The following RSU1 variants were observed in gnomAD, a reference collection of about 807,000 sequenced individuals.
The protein encoded by RSU1 is Ras suppressor protein 1, also known as rsu-1.
In RSU1, 26 loss-of-function variants were observed where a neutral mutation model predicts 31.1. That is an observed-to-expected ratio of 0.84 (90% CI 0.61 to 1.16). The LOEUF (loss-of-function observed/expected upper bound fraction) is 1.16. RSU1 is among the 50% of genes most tolerant of loss of function. RSU1 has a pLI of 0.00. For synonymous variants in RSU1, 164 were observed against 136.3 expected (o/e 1.20, Z -1.41); for missense variants, 320 against 339.1 (o/e 0.94, Z 0.44).
intron 8 of RSU1, among the ~76,000 whole-genome samples, chr10:16,640,594 C>G (rs973376592): frequency 1.3e-5 from 2 of 152,214 alleles, no homozygotes; most frequent in African/African-American, 2.4e-5. Context: ...CTGGTGACTA[C>G]TCCAAGCATA....
chr10:16,744,837 C>T (rs1836818017), intron 7 of RSU1, among the ~76,000 whole-genome samples: 1 of 152,180 alleles, frequency 6.6e-6, no homozygotes, highest in Admixed American at 6.5e-5. Context: ...ACCCTGAGTA[C>T]TGGCCATGCA....
intron 2 of RSU1, among the ~76,000 whole-genome samples, chr10:16,804,404 A>T (rs1228211268): frequency 2.6e-5 from 4 of 152,240 alleles, no homozygotes; most frequent in Admixed American, 1.3e-4. Context: ...AAGACAGCTT[A>T]ATAGTCTCTT....
chr10:16,806,344 G>A (rs1564364673), intron 2 of RSU1, among the ~76,000 whole-genome samples: 1 of 152,194 alleles, frequency 6.6e-6, no homozygotes, highest in African/African-American at 2.4e-5. Context: ...ATGTGCATAT[G>A]ACTGTCAGAA....
intron 1 of RSU1, 98 bp from the exon 2 acceptor site, chr10:16,817,182 T>A (rs1838558285): frequency 1.2e-6 from 1 of 863,118 alleles, no homozygotes; most frequent in Non-Finnish European, 1.9e-6. Context: ...TCCCCAGGGT[T>A]GGAGCGGGTG....
At chr10:16,698,354 G>A (rs1453906397) in intron 7 of RSU1, among the ~76,000 whole-genome samples, 3 of 152,058 alleles carry the variant, frequency 2.0e-5, no homozygotes, top group Non-Finnish European at 2.9e-5. Flanking sequence ...TAAGGAATAG[G>A]GACGTATTTC....
intron 8 of RSU1, among the ~76,000 whole-genome samples, chr10:16,612,982 C>T (rs994277106): frequency 6.6e-6 from 1 of 151,944 alleles, no homozygotes; most frequent in Non-Finnish European, 1.5e-5. Flanking sequence ...TCTCCAGGCC[C>T]AAATCTGAGA....
Position 16,753,838 on chromosome 10 carries a change from G to A in RSU1, c.401-838C>T, listed in dbSNP as rs573058028. On this transcript the variant is annotated intron_variant, in intron 5 of 8. Coordinates refer to ENST00000345264, the MANE Select transcript of RSU1 (RefSeq NM_012425.4). ...GGCTGGAGTGCAGTGGGTCACTGCA[G>A]CCTCAAACTCCTGGCCTCAAGCACT... is the stretch of plus-strand genomic sequence containing the variant. Among the ~76,000 whole-genome samples, 7 of 152,208 alleles carry A rather than the reference G, an allele frequency of 4.6e-5. No homozygotes were observed. In the East Asian group the frequency reaches 1.4e-3, roughly 29 times the overall value.
At chr10:16,637,465 T>G (rs987008791) in intron 8 of RSU1, among the ~76,000 whole-genome samples, 5 of 152,138 alleles carry the variant, frequency 3.3e-5, no homozygotes, top group Non-Finnish European at 7.4e-5. Flanking sequence ...GGATTTTTTT[T>G]TTTTTTTTAA....
intron 8 of RSU1, among the ~76,000 whole-genome samples, chr10:16,636,762 C>A (rs967640637): frequency 6.6e-6 from 1 of 152,156 alleles, no homozygotes; most frequent in African/African-American, 2.4e-5. Flanking sequence ...GTCCCACTGT[C>A]TGAAACATTC....
intron 7 of RSU1, chr10:16,727,137 G>A: frequency 2.2e-6 from 1 of 456,598 alleles, no homozygotes. Context: ...CAAGGGAACA[G>A]GATGTGGCCT....
At chr10:16,704,204 A>G (rs1454836035) in intron 7 of RSU1, among the ~76,000 whole-genome samples, 2 of 152,224 alleles carry the variant, frequency 1.3e-5, no homozygotes, top group African/African-American at 4.8e-5. Context: ...TACAAAGGAT[A>G]AAAACCTACC....
intron 8 of RSU1, among the ~76,000 whole-genome samples, chr10:16,628,056 G>A (rs1360959409): frequency 6.6e-6 from 1 of 152,178 alleles, no homozygotes; most frequent in Non-Finnish European, 1.5e-5. Flanking sequence ...AAGGGAGAGA[G>A]ATTTTTCCAA....
chr10:16,736,844 G>T (rs1454175293), intron 7 of RSU1, among the ~76,000 whole-genome samples: 1 of 151,934 alleles, frequency 6.6e-6, no homozygotes, highest in Non-Finnish European at 1.5e-5. Flanking sequence ...ATTGAGAAAT[G>T]AAATTATAAA....
chr10:16,665,783 C>G (rs932263254), intron 8 of RSU1, among the ~76,000 whole-genome samples: 6 of 152,134 alleles, frequency 3.9e-5, no homozygotes, highest in African/African-American at 1.4e-4. Flanking sequence ...TGAAGATATT[C>G]CACGGATCAT....
At chr10:16,783,159 C>T (rs1278470848) in intron 2 of RSU1, among the ~76,000 whole-genome samples, 1 of 152,090 alleles carries the variant, frequency 6.6e-6, no homozygotes, top group Non-Finnish European at 1.5e-5. Flanking sequence ...AATTCTCCCA[C>T]CTTAGCCTCC....
At chr10:16,664,302 T>A (rs1834946893) in intron 8 of RSU1, among the ~76,000 whole-genome samples, 1 of 152,180 alleles carries the variant, frequency 6.6e-6, no homozygotes, top group Non-Finnish European at 1.5e-5. Context: ...CAGGGAGAGC[T>A]GCTCACACGC....
chr10:16,620,731 G>A (rs530431223), intron 8 of RSU1, among the ~76,000 whole-genome samples: 196 of 152,062 alleles, frequency 1.3e-3, no homozygotes, highest in Non-Finnish European at 2.3e-3. Flanking sequence ...TGTAGTCCCA[G>A]CTACTTGGGA....
At chr10:16,656,056 A>C (rs1834770978) in intron 8 of RSU1, among the ~76,000 whole-genome samples, 1 of 152,230 alleles carries the variant, frequency 6.6e-6, no homozygotes, top group African/African-American at 2.4e-5. Context: ...GTTTTTAGCC[A>C]AAATAATAAA....
chr10:16,633,169 C>T (rs117684467), intron 8 of RSU1, among the ~76,000 whole-genome samples: 2,665 of 152,172 alleles, frequency 0.018, 35 homozygotes, highest in Non-Finnish European at 0.027. Context: ...GCTGTGGGAA[C>T]CAAAGTGTCT....
Sources: allele counts gnomAD v4.1 joint callset (sites outside exome capture counted in the v4.1 genomes callset), GRCh38; gene constraint gnomAD v4.1.1; transcripts MANE v1.5; gene names NCBI Gene and HGNC (gene_info 2026-07-23, HGNC 2026-07-21).